The following ACYP2 variants were observed in gnomAD, a reference collection of about 807,000 sequenced individuals.
The protein encoded by ACYP2 is acylphosphatase-2.
A neutral mutation model predicts 11.2 loss-of-function variants in ACYP2; 12 were observed. The ratio of observed to expected loss-of-function variants is 1.08; its 90% CI spans 0.69 to 1.74. The LOEUF is 1.74. Ranked by LOEUF, ACYP2 falls within the 40% of genes most tolerant of loss-of-function variation. The pLI is 0.00. For synonymous variants in ACYP2, 43 were observed against 32.2 expected (o/e 1.33, Z -1.13); for missense variants, 134 against 101.9 (o/e 1.31, Z -1.35).
intron 6 of ACYP2, among the ~76,000 whole-genome samples, chr2:54,282,819 G>T (rs1431569724): frequency 6.6e-6 from 1 of 152,046 alleles, no homozygotes; most frequent in Non-Finnish European, 1.5e-5. Context: ...ATATTCACAG[G>T]TAGCTGTGTG....
intron 2 of ACYP2, among the ~76,000 whole-genome samples, chr2:54,037,304 G>A (rs927875231): frequency 3.3e-5 from 5 of 151,880 alleles, no homozygotes; most frequent in African/African-American, 4.8e-5. Context: ...TGGTAGAGAC[G>A]GAGTTTCACC....
Position 54,304,753 on chromosome 2 carries a change from A to G in ACYP2, c.470A>G (p.Glu157Gly). The change falls in exon 7 of 7, where the codon GAA (glutamate) becomes GGA (glycine). Residue 157 changes from glutamate (E) to glycine (G), a missense_variant. Coordinates refer to ENST00000607452, the MANE Select transcript of ACYP2 (RefSeq NM_001320586.2). ...ATTGACCGCACAAACTTTTCTAATG[A>G]AAAAACCATCTCTAAGCTTGAATAC... 1.9e-6 allele frequency: 3 copies of G among 1,612,092 alleles called. No homozygotes were observed. The highest frequency in any genetic ancestry group is 2.5e-6 in the Non-Finnish European group (3 of 1,179,564).
At chr2:54,044,177 A>C (rs918211115) in intron 2 of ACYP2, among the ~76,000 whole-genome samples, 2 of 152,212 alleles carry the variant, frequency 1.3e-5, no homozygotes, top group Admixed American at 1.3e-4. Context: ...GTTACTCCAT[A>C]CACACCACAA....
At chr2:54,165,253 A>G (rs1682900928) in intron 6 of ACYP2, among the ~76,000 whole-genome samples, 1 of 152,024 alleles carries the variant, frequency 6.6e-6, no homozygotes, top group Admixed American at 6.6e-5. Flanking sequence ...AAGTTGATAT[A>G]TTATTTCACT....
intron 6 of ACYP2, among the ~76,000 whole-genome samples, chr2:54,226,920 T>C (rs767125640): frequency 2.0e-5 from 3 of 152,234 alleles, no homozygotes; most frequent in Non-Finnish European, 2.9e-5. Flanking sequence ...AAATGTGATA[T>C]ATTTTTTCCT....
chr2:54,133,584 C>G (rs1243741136), intron 4 of ACYP2, among the ~76,000 whole-genome samples: 2 of 152,170 alleles, frequency 1.3e-5, no homozygotes, highest in Non-Finnish European at 2.9e-5. Flanking sequence ...CCTATTTTAA[C>G]CAACTCTCAA....
chr2:54,285,379 A>G (rs1689037086), intron 6 of ACYP2, among the ~76,000 whole-genome samples: 1 of 152,168 alleles, frequency 6.6e-6, no homozygotes, highest in African/African-American at 2.4e-5. Context: ...CCTCTTGCTG[A>G]CCACTTCTCT....
chr2:54,003,953 CTT>C (rs1672928656), intron 2 of ACYP2, among the ~76,000 whole-genome samples: 1 of 151,702 alleles, frequency 6.6e-6, no homozygotes, highest in Admixed American at 6.6e-5. Context: ...AGTGGTACCT[CTT>C]TGTTTTTGTT....
At chr2:54,037,644 G>A (rs1293272805) in intron 2 of ACYP2, among the ~76,000 whole-genome samples, 1 of 152,146 alleles carries the variant, frequency 6.6e-6, no homozygotes, top group Non-Finnish European at 1.5e-5. Context: ...TTGGCCTCAA[G>A]TGATCCTCCC....
chr2:54,232,582 G>T (rs1057187413), intron 6 of ACYP2, among the ~76,000 whole-genome samples: 4 of 152,148 alleles, frequency 2.6e-5, no homozygotes, highest in African/African-American at 9.7e-5. Flanking sequence ...AAGGAAATGG[G>T]TATTAGTCCA....
chr2:54,103,753 G>A (rs1241405473), intron 4 of ACYP2, among the ~76,000 whole-genome samples: 2 of 152,180 alleles, frequency 1.3e-5, no homozygotes, highest in African/African-American at 4.8e-5. Context: ...GGAAATATTA[G>A]AGAATAGTGT....
At position 53,989,696 on chromosome 2, in the gene ACYP2, T is replaced by C. The variant is rs184454637; in HGVS notation, c.62+15886T>C. On this transcript the variant is annotated intron_variant, in intron 2 of 6. Coordinates refer to ENST00000607452, the MANE Select transcript of ACYP2 (RefSeq NM_001320586.2). The stretch of plus-strand genomic sequence containing the variant: ...AGATTTAGCCACTATGTACTTTGTG[T>C]CTTGAGTAAGCAATGCCAAGATGAA... Among the ~76,000 whole-genome samples, 149 of 152,324 alleles carry C rather than the reference T, an allele frequency of 9.8e-4. 1 individual carries two copies. Among genetic ancestry groups the C allele is most frequent in the African/African-American group, 3.4e-3 (143 of 41,576 alleles).
At chr2:53,986,279 C>T (rs145168704) in intron 2 of ACYP2, among the ~76,000 whole-genome samples, 19 of 152,160 alleles carry the variant, frequency 1.2e-4, no homozygotes, top group African/African-American at 3.6e-4. Flanking sequence ...AAGCTCTCAC[C>T]GGAAGCAGAT....
chr2:54,058,607 C>T (rs949473163), intron 4 of ACYP2, among the ~76,000 whole-genome samples: 1 of 151,946 alleles, frequency 6.6e-6, no homozygotes, highest in Non-Finnish European at 1.5e-5. Context: ...TTCATTGTAC[C>T]ACCTGTAAGA....
chr2:54,242,633 T>G (rs1190824392), intron 6 of ACYP2, among the ~76,000 whole-genome samples: 1 of 152,218 alleles, frequency 6.6e-6, no homozygotes, highest in African/African-American at 2.4e-5. Context: ...TTTTTTATGT[T>G]TAGATACACA....
chr2:53,976,889 T>A (rs1046438435), intron 2 of ACYP2, among the ~76,000 whole-genome samples: 1 of 152,206 alleles, frequency 6.6e-6, no homozygotes, highest in African/African-American at 2.4e-5. Context: ...AGATGTGGGC[T>A]TCTTTTTGTT....
At chr2:54,038,000 C>G (rs183722677) in intron 2 of ACYP2, among the ~76,000 whole-genome samples, 101 of 152,298 alleles carry the variant, frequency 6.6e-4, no homozygotes, top group African/African-American at 2.3e-3. Flanking sequence ...CCGAAGCTTT[C>G]TCTCCTACAC....
intron 6 of ACYP2, among the ~76,000 whole-genome samples, chr2:54,197,343 C>T (rs1006899195): frequency 4.6e-5 from 7 of 152,142 alleles, no homozygotes; most frequent in Admixed American, 3.3e-4. Context: ...ACAGGGGTTG[C>T]GGGGGAGGAA....
chr2:54,141,983 TTGTGTGTGTG>T (rs56673055), intron 6 of ACYP2: 25 of 459,468 alleles, frequency 5.4e-5, no homozygotes, highest in African/African-American at 2.6e-4. Flanking sequence ...GCTGGCTAAT[TTGTGTGTGTG>T]TGTGTGTGTG....
Sources: gnomAD v4.1 joint callset for allele counts (sites outside exome capture counted in the v4.1 genomes callset) on GRCh38, gnomAD v4.1.1 for gene constraint, MANE v1.5 for transcripts, NCBI Gene and HGNC (gene_info 2026-07-23, HGNC 2026-07-21) for gene names.